The following RIC1 variants were observed in gnomAD, a reference collection of about 807,000 sequenced individuals.
RIC1 encodes guanine nucleotide exchange factor subunit RIC1.
In RIC1, 88 loss-of-function variants were observed where a neutral mutation model predicts 169.0. The ratio of observed to expected loss-of-function variants is 0.52; its 90% CI spans 0.44 to 0.62. The LOEUF (loss-of-function observed/expected upper bound fraction) is 0.62. Ranked by LOEUF, RIC1 falls within the 20% of genes least tolerant of loss-of-function variation. RIC1 has a pLI of 0.00. For synonymous variants in RIC1, 790 were observed against 601.5 expected, an observed-to-expected ratio of 1.31 and a Z score of -4.59; for missense variants, 1,877 against 1,725.5, an observed-to-expected ratio of 1.09 and a Z score of -1.56.
At chr9:5,709,619 A>G (rs1004508324) in intron 3 of RIC1, among the ~76,000 whole-genome samples, 48 of 152,302 alleles carry the variant, frequency 3.2e-4, no homozygotes, top group African/African-American at 1.1e-3. Flanking sequence ...CAGTGCTTTC[A>G]TAATCTGGCT....
rs144887417 is a variant in RIC1 at position 5,774,452 on chromosome 9, T to C, written c.*206T>C. On this transcript the variant is annotated 3_prime_UTR_variant, in exon 26 of 26. Coordinates refer to ENST00000414202, the MANE Select transcript of RIC1 (RefSeq NM_020829.4). ...TATAAAGCATCTTTCATAAAAAAATTTTAAGCTGCAGTGAAAAGTAAATAT... is the reference window on the plus strand; with the variant it reads ...TATAAAGCATCTTTCATAAAAAAATCTTAAGCTGCAGTGAAAAGTAAATAT... 5.1e-3 allele frequency: 2,308 copies of C among 456,418 alleles called. 10 individuals are homozygous for C. Among genetic ancestry groups the C allele is most frequent in the Middle Eastern group, 9.8e-3 (17 of 1,742 alleles). The allele number at this position is 456,418 out of a possible 1,614,324, so 28.3% of individuals were successfully genotyped here. A position where few individuals can be genotyped will look rare whatever the true frequency, so the allele number is the denominator to read the frequency against.
intron 24 of RIC1, 45 bp from the exon 25 acceptor site, chr9:5,772,847 T>TA (rs1386605241): frequency 1.3e-6 from 2 of 1,577,488 alleles, no homozygotes; most frequent in African/African-American, 2.7e-5. Context: ...GTACATCTTA[T>TA]AGATCTTTCT....
chr9:5,643,114 G>T (rs1818330651), intron 1 of RIC1, among the ~76,000 whole-genome samples: 1 of 152,034 alleles, frequency 6.6e-6, no homozygotes, highest in Non-Finnish European at 1.5e-5. Flanking sequence ...AGTCTGGACA[G>T]TATAGGGAGA....
At chr9:5,750,056 C>A (rs761476259) in intron 12 of RIC1, among the ~76,000 whole-genome samples, 13 of 151,798 alleles carry the variant, frequency 8.6e-5, no homozygotes, top group Non-Finnish European at 1.9e-4. Flanking sequence ...GGATTACAGG[C>A]GTGAGCCACC....
At chr9:5,678,785 T>G (rs1466090671) in intron 2 of RIC1, among the ~76,000 whole-genome samples, 157 of 151,994 alleles carry the variant, frequency 1.0e-3, no homozygotes, top group African/African-American at 3.3e-3. Context: ...TTTTTCCCAT[T>G]CTGTAGGTTG....
chr9:5,761,228 C>G (rs1031535089), intron 17 of RIC1, among the ~76,000 whole-genome samples: 12 of 150,496 alleles, frequency 8.0e-5, no homozygotes, highest in Admixed American at 7.3e-4. Context: ...ATTCTCCTGC[C>G]TCAGCCTCCC....
At chr9:5,714,103 T>G in intron 4 of RIC1, 100 bp downstream of exon 4, 1 of 684,408 alleles carries the variant, frequency 1.5e-6, no homozygotes, top group South Asian at 2.5e-5. Flanking sequence ...TTTCTTTTAA[T>G]TCAAGATAAC....
At chr9:5,767,322 A>G (rs193058684) in intron 21 of RIC1, among the ~76,000 whole-genome samples, 1 of 152,332 alleles carries the variant, frequency 6.6e-6, no homozygotes, top group African/African-American at 2.4e-5. Flanking sequence ...TAGATGGGAT[A>G]TTGTCTTCTG....
Position 5,770,221 on chromosome 9 carries a change from G to A in RIC1, c.3559G>A (p.Ala1187Thr), listed in dbSNP as rs1327820165. Residue 1187 changes from alanine to threonine, a missense_variant, in exon 23 of 26, where the codon GCT becomes ACT. By Grantham distance (58) the Ala-to-Thr change is moderately conservative. This residue lies in a region of RIC1 where 681 missense variants were observed against 582.0 expected (regional missense o/e 1.17). Coordinates refer to ENST00000414202, the MANE Select transcript of RIC1 (RefSeq NM_020829.4). Reference protein sequence around the residue: ...IGPTHHEIDTASSHGPQMQDA... With the variant: ...IGPTHHEIDTTSSHGPQMQDA... ...CCCCACCCATCATGAGATAGACACA[G>A]CTTCATCCCATGGACCACAAATGCA... 6.2e-7 allele frequency: 1 copy of A among 1,613,934 alleles called. No homozygotes were observed. Among genetic ancestry groups the A allele is most frequent in the East Asian group, 2.2e-5 (1 of 44,876 alleles).
intron 4 of RIC1, among the ~76,000 whole-genome samples, chr9:5,716,746 A>G (rs1287672335): frequency 6.6e-6 from 1 of 152,254 alleles, no homozygotes; most frequent in Non-Finnish European, 1.5e-5. Context: ...GAGGGGAGTC[A>G]GTTGTAGCAA....
At chr9:5,640,089 G>A (rs1215940855) in intron 1 of RIC1, among the ~76,000 whole-genome samples, 2 of 152,066 alleles carry the variant, frequency 1.3e-5, no homozygotes, top group Non-Finnish European at 2.9e-5. Flanking sequence ...TTGATAAGTA[G>A]GGACTTCTGC....
chr9:5,676,122 G>C (rs1190979109), intron 2 of RIC1, among the ~76,000 whole-genome samples: 1 of 152,100 alleles, frequency 6.6e-6, no homozygotes, highest in African/African-American at 2.4e-5. Context: ...TTGCTGTGTT[G>C]CCCAGGCTGG....
chr9:5,753,497 G>T, intron 13 of RIC1, 39 bp from the exon 14 acceptor site: 1 of 1,276,230 alleles, frequency 7.8e-7, no homozygotes, highest in Admixed American at 2.0e-5. Flanking sequence ...AAAGTATATA[G>T]GTTTGCAAGG....
chr9:5,641,428 C>T (rs964492955), intron 1 of RIC1, among the ~76,000 whole-genome samples: 13 of 152,044 alleles, frequency 8.6e-5, no homozygotes, highest in Non-Finnish European at 1.5e-4. Flanking sequence ...ATCTGCTTGG[C>T]GTTCTGTAAC....
Position 5,761,178 on chromosome 9 carries a change from A to G in RIC1, c.1993-1363A>G, listed in dbSNP as rs868235572. Among the ~76,000 whole-genome samples, 8 of 139,032 alleles carry G rather than the reference A, an allele frequency of 5.8e-5. No homozygotes were observed. The South Asian group carries it at 1.4e-3, about 23-fold the overall frequency. The allele number at this position is 139,032 out of a possible 152,430, so 91.2% of individuals were successfully genotyped here. A position where few individuals can be genotyped will look rare whatever the true frequency, so the allele number is the denominator to read the frequency against. On this transcript the variant is annotated intron_variant, in intron 17 of 25. Transcript: ENST00000414202. The stretch of plus-strand genomic sequence containing the variant: ...ACCCAGGCTAGAGTGCAATGGTGCA[A>G]TCTTGGCTCACTGCAGCCTCCGTCT...
At chr9:5,737,304 A>G (rs187187458) in intron 7 of RIC1, among the ~76,000 whole-genome samples, 3 of 145,666 alleles carry the variant, frequency 2.1e-5, no homozygotes, top group African/African-American at 7.3e-5. Flanking sequence ...AAGATGTTTT[A>G]AATTAAGTAA....
intron 8 of RIC1, among the ~76,000 whole-genome samples, chr9:5,740,944 G>C (rs1295363487): frequency 6.6e-6 from 1 of 152,028 alleles, no homozygotes; most frequent in Non-Finnish European, 1.5e-5. Flanking sequence ...CCATATCTTT[G>C]ACCAACTCAT....
chr9:5,773,317 G>A lies in RIC1; in HGVS notation c.3983+237G>A, dbSNP rs561188627. 91 of 183,914 alleles carry A rather than the reference G, an allele frequency of 4.9e-4. No homozygotes were observed. In the Middle Eastern group the frequency reaches 0.013, roughly 26 times the overall value. 11.4% of individuals were successfully genotyped at this position (183,914 alleles called of 1,614,324 possible). A position where few individuals can be genotyped will look rare whatever the true frequency, so the allele number is the denominator to read the frequency against. ...TTGGTCAGTGTATAATTTATAGTGTGAATGTATATCACTGACTTAAGATTG... is the reference window on the plus strand; with the variant it reads ...TTGGTCAGTGTATAATTTATAGTGTAAATGTATATCACTGACTTAAGATTG... On this transcript the variant is annotated intron_variant, in intron 25 of 25. Coordinates refer to ENST00000414202, the MANE Select transcript of RIC1 (RefSeq NM_020829.4).
At chr9:5,669,962 A>T (rs770029191) in intron 2 of RIC1, among the ~76,000 whole-genome samples, 9 of 152,210 alleles carry the variant, frequency 5.9e-5, no homozygotes, top group Non-Finnish European at 1.2e-4. Flanking sequence ...GGATTTTATA[A>T]GGAAATGCAC....
Sources: allele counts gnomAD v4.1 joint callset (sites outside exome capture counted in the v4.1 genomes callset), GRCh38; gene constraint gnomAD v4.1.1; regional missense constraint gnomAD v4.1.1; transcripts MANE v1.5; gene names NCBI Gene and HGNC (gene_info 2026-07-23, HGNC 2026-07-21).